SLC4A10: variants seen among roughly 807,000 people sequenced by gnomAD.
SLC4A10 encodes solute carrier family 4 member 10, also known as sodium-driven chloride bicarbonate exchanger.
SLC4A10 carries 42 observed loss-of-function variants against 137.7 expected under a neutral mutation model. The observed-to-expected ratio is 0.30, with a 90% confidence interval of 0.24 to 0.39. SLC4A10 has a LOEUF of 0.39. Among genes scored for constraint, SLC4A10 ranks in the 10% least tolerant of loss-of-function variants. The pLI is 1.00. For synonymous variants in SLC4A10, 474 were observed against 464.1 expected (o/e 1.02, Z -0.27); for missense variants, 925 against 1,355.0 (o/e 0.68, Z 4.98).
At chr2:161,767,507 G>GGAA (rs2051040868) in intron 1 of SLC4A10, among the ~76,000 whole-genome samples, 1 of 151,512 alleles carries the variant, frequency 6.6e-6, no homozygotes, top group Non-Finnish European at 1.5e-5. Flanking sequence ...AAAGCTAAGT[G>GGAA]GAAACAGATT....
chr2:161,649,834 A>C (rs1239491473), intron 1 of SLC4A10, among the ~76,000 whole-genome samples: 2 of 151,980 alleles, frequency 1.3e-5, no homozygotes, highest in Non-Finnish European at 2.9e-5. Context: ...ACAGGTATTT[A>C]ACCTTATTAT....
chr2:161,924,558 A>G (rs1410006999), intron 15 of SLC4A10, among the ~76,000 whole-genome samples: 1 of 152,122 alleles, frequency 6.6e-6, no homozygotes, highest in Non-Finnish European at 1.5e-5. Context: ...TATTTATGTC[A>G]TATATAAATC....
Position 161,974,264 on chromosome 2 carries a change from C to T in SLC4A10, c.3175C>T (p.Leu1059=). 6.2e-7 allele frequency: 1 copy of T among 1,607,018 alleles called. No homozygotes were observed. Among genetic ancestry groups the T allele is most frequent in the South Asian group, 1.1e-5 (1 of 89,144 alleles). The change falls in exon 24 of 27, where the codon CTA becomes TTA. Residue 1059 remains leucine (L), a synonymous_variant. Coordinates refer to ENST00000446997, the MANE Select transcript of SLC4A10 (RefSeq NM_001178015.2). ...GTCTTTTCAGGAAGAACAAAGTATG[C>T]TAGCTATGGAAGATGAGGGCACAGT... ...DAEKEEEQSM[L]AMEDEGTVQL...
intron 2 of SLC4A10, among the ~76,000 whole-genome samples, chr2:161,792,376 C>G (rs2054294180): frequency 6.6e-6 from 1 of 152,048 alleles, no homozygotes; most frequent in African/African-American, 2.4e-5. Flanking sequence ...CCACGGATGA[C>G]CAAAGTCTCT....
intron 4 of SLC4A10, among the ~76,000 whole-genome samples, chr2:161,854,345 T>C (rs1344102974): frequency 1.3e-5 from 2 of 152,172 alleles, no homozygotes; most frequent in Non-Finnish European, 2.9e-5. Context: ...CCATTTGACA[T>C]CATGACATCA....
chr2:161,965,065 A>G lies in SLC4A10; in HGVS notation c.3051A>G (p.Val1017=), dbSNP rs775303398. 3.8e-5 allele frequency: 62 copies of G among 1,611,682 alleles called. No individual in the cohort carries two copies. The highest frequency in any genetic ancestry group is 4.9e-5 in the Non-Finnish European group (58 of 1,178,554). ...ATTTACTTCAGGTGTTAGCCCTGGT[A>G]TTTGTAAGAAAGTTGATGGACTTGT... ...IVFPMMVLAL[V]FVRKLMDLLF... is the part of the protein sequence containing the mutation. Residue 1017 remains valine, a synonymous_variant, in exon 23 of 27, where the codon GTA becomes GTG. Coordinates refer to ENST00000446997, the MANE Select transcript of SLC4A10 (RefSeq NM_001178015.2).
intron 1 of SLC4A10, among the ~76,000 whole-genome samples, chr2:161,768,669 TA>T (rs1164176503): frequency 6.6e-6 from 1 of 152,020 alleles, no homozygotes; most frequent in African/African-American, 2.4e-5. Context: ...ACTTCCCATC[TA>T]TTTCACTTCT....
chr2:161,771,783 C>T (rs1222515387), intron 2 of SLC4A10, among the ~76,000 whole-genome samples: 1 of 151,812 alleles, frequency 6.6e-6, no homozygotes, highest in Non-Finnish European at 1.5e-5. Context: ...AGTGTACATA[C>T]AGGATTAGCT....
intron 1 of SLC4A10, among the ~76,000 whole-genome samples, chr2:161,756,368 A>G (rs1171712398): frequency 1.3e-5 from 2 of 152,228 alleles, no homozygotes; most frequent in East Asian, 3.8e-4. Context: ...ATTAGAAAGT[A>G]TGATTTTTGA....
intron 1 of SLC4A10, among the ~76,000 whole-genome samples, chr2:161,629,051 T>A (rs1035900699): frequency 2.0e-5 from 3 of 151,868 alleles, no homozygotes; most frequent in African/African-American, 7.2e-5. Context: ...CATGAATAGA[T>A]TGCAGTGTAT....
At chr2:161,874,219 T>G (rs368499035) in intron 8 of SLC4A10, among the ~76,000 whole-genome samples, 14 of 152,232 alleles carry the variant, frequency 9.2e-5, no homozygotes, top group African/African-American at 3.4e-4. Context: ...TAATTTGAAA[T>G]GATCTTAAAA....
At chr2:161,731,858 G>T (rs2046854332) in intron 1 of SLC4A10, among the ~76,000 whole-genome samples, 1 of 151,978 alleles carries the variant, frequency 6.6e-6, no homozygotes, top group Admixed American at 6.6e-5. Flanking sequence ...TTTAAAATCA[G>T]AATTAGACAC....
chr2:161,812,827 C>G (rs2056684469), intron 3 of SLC4A10, among the ~76,000 whole-genome samples: 1 of 152,076 alleles, frequency 6.6e-6, no homozygotes, highest in Non-Finnish European at 1.5e-5. Context: ...GATGAACATG[C>G]ACGTATATGT....
intron 3 of SLC4A10, among the ~76,000 whole-genome samples, chr2:161,812,197 A>G (rs1320047565): frequency 1.3e-5 from 2 of 152,024 alleles, no homozygotes; most frequent in East Asian, 3.9e-4. Context: ...GATTGACCTA[A>G]TGGTAGGTGT....
chr2:161,828,864 C>T (rs2058229614), intron 3 of SLC4A10, among the ~76,000 whole-genome samples: 1 of 137,996 alleles, frequency 7.2e-6, no homozygotes, highest in Admixed American at 7.5e-5. Flanking sequence ...GGATTTCAGA[C>T]CTGGGATTTC....
At chr2:161,873,700 G>C (rs750306791) in intron 7 of SLC4A10, 2 of 455,446 alleles carry the variant, frequency 4.4e-6, no homozygotes, top group Non-Finnish European at 8.0e-6. Context: ...ATAGTAGTGG[G>C]AGGAGGTGGG....
chr2:161,694,906 A>AT (rs1433796290), intron 1 of SLC4A10, among the ~76,000 whole-genome samples: 6 of 151,814 alleles, frequency 4.0e-5, no homozygotes, highest in South Asian at 4.1e-4. Context: ...TCAACATTGA[A>AT]TTTTTTTTAT....
intron 1 of SLC4A10, among the ~76,000 whole-genome samples, chr2:161,673,117 A>G (rs1048077843): frequency 6.6e-6 from 1 of 152,230 alleles, no homozygotes; most frequent in African/African-American, 2.4e-5. Context: ...TGCCCAGCTA[A>G]CACTCTTGTT....
chr2:161,859,149 T>C lies in SLC4A10; in HGVS notation c.578-3725T>C, dbSNP rs141435851. Among the ~76,000 whole-genome samples the C allele has an allele frequency of 1.9e-4, 29 of 152,292 alleles. 1 individual carries two copies. In the East Asian group the frequency reaches 5.4e-3, roughly 28 times the overall value. Reference sequence around the variant, plus strand: ...ATCTTCAAAAAGGCAGAGATTTATGTAGAATCTGCAATATGTCATAACCTC... The same window carrying C: ...ATCTTCAAAAAGGCAGAGATTTATGCAGAATCTGCAATATGTCATAACCTC... On this transcript the variant is annotated intron_variant, in intron 5 of 26. Coordinates refer to ENST00000446997, the MANE Select transcript of SLC4A10 (RefSeq NM_001178015.2).
Sources: allele counts gnomAD v4.1 joint callset (sites outside exome capture counted in the v4.1 genomes callset), GRCh38; gene constraint gnomAD v4.1.1; transcripts MANE v1.5; gene names NCBI Gene and HGNC (gene_info 2026-07-23, HGNC 2026-07-21).